USP50: variants seen among roughly 807,000 people sequenced by gnomAD.
USP50 encodes the protein ubiquitin specific peptidase 50.
In USP50, 37 loss-of-function variants were observed where a neutral mutation model predicts 39.2. The observed-to-expected ratio is 0.94, with a 90% CI of 0.73 to 1.24. USP50 has a LOEUF of 1.24. Ranked by LOEUF, USP50 falls within the 50% of genes most tolerant of loss-of-function variation. USP50 has a pLI of 0.00. For synonymous variants in USP50, 139 were observed against 144.5 expected (o/e 0.96, Z 0.27); for missense variants, 374 against 398.2 (o/e 0.94, Z 0.52).
downstream of USP50, chr15:50,497,629 G>C (rs1219584948): frequency 6.5e-6 from 1 of 152,774 alleles, no homozygotes; most frequent in African/African-American, 2.4e-5. Flanking sequence ...GATAAAATAT[G>C]TTAACGATAC....
intron 5 of USP50, chr15:50,532,251 C>T: frequency 2.2e-6 from 1 of 456,158 alleles, no homozygotes; most frequent in Non-Finnish European, 4.4e-6. Context: ...GGGAAAGAAA[C>T]CATTCTGAAA....
downstream of USP50, chr15:50,499,123 A>AG: frequency 1.3e-6 from 2 of 1,536,230 alleles, no homozygotes; most frequent in Non-Finnish European, 8.8e-7. Flanking sequence ...ATCTTTTAAA[A>AG]GGCTCAGCAA....
rs1006339006 is a variant in USP50, at chr15:50,528,201, C to A, written c.936+1596G>T. ...GGATTACAGGCGTGAGCCACTGCAC[C>A]CAGCCTAGGAGTAAGAATTTATAGG... is the stretch of plus-strand genomic sequence containing the variant. On this transcript the variant is annotated intron_variant, in intron 6 of 6. Transcript: ENST00000532404. Among the ~76,000 whole-genome samples, 3 of 152,014 alleles carry A rather than the reference C, an allele frequency of 2.0e-5. No individual in the cohort carries two copies. The East Asian group carries it at 5.8e-4, about 29-fold the overall frequency.
intron 6 of USP50, chr15:50,512,719 G>C (rs554779170): frequency 6.6e-6 from 1 of 151,550 alleles, no homozygotes; most frequent in South Asian, 2.1e-4. Context: ...TTGAAACCAG[G>C]GGGTGGAGGT....
chr15:50,511,103 A>G (rs1044205717), intron 6 of USP50: 1 of 152,168 alleles, frequency 6.6e-6, no homozygotes, highest in Admixed American at 6.6e-5. Context: ...TCTCTGTACA[A>G]TTCTTTCAGA....
At chr15:50,536,975 T>G (rs947733298) in intron 5 of USP50, among the ~76,000 whole-genome samples, 1 of 152,006 alleles carries the variant, frequency 6.6e-6, no homozygotes, top group African/African-American at 2.4e-5. Flanking sequence ...AGGTAAAAGA[T>G]CCAGAGTAGC....
downstream of USP50, chr15:50,500,442 G>A (rs796704002): frequency 4.3e-5 from 10 of 231,564 alleles, no homozygotes; most frequent in African/African-American, 2.0e-4. Flanking sequence ...CATTAGCATT[G>A]CATTATATTC....
intron 2 of USP50, chr15:50,543,999 C>A (rs1027005667): frequency 1.8e-6 from 1 of 567,634 alleles, no homozygotes; most frequent in South Asian, 2.0e-5. Flanking sequence ...CACTACTTCA[C>A]CCCAGCTTGG....
At chr15:50,513,476 G>C (rs1336553931) in intron 6 of USP50, 1 of 147,210 alleles carries the variant, frequency 6.8e-6, no homozygotes, top group African/African-American at 2.5e-5. Context: ...GAGGGAGGTG[G>C]ATCACCTGAG....
intron 6 of USP50, among the ~76,000 whole-genome samples, chr15:50,520,125 G>C (rs2052837019): frequency 6.6e-6 from 1 of 151,982 alleles, no homozygotes; most frequent in Admixed American, 6.6e-5. Flanking sequence ...GGGCAACATA[G>C]TGAGATTCTG....
intron 5 of USP50, among the ~76,000 whole-genome samples, chr15:50,537,374 A>C (rs2052987861): frequency 6.6e-6 from 1 of 152,176 alleles, no homozygotes; most frequent in African/African-American, 2.4e-5. Context: ...GAGAAAATCT[A>C]GATAATCTTG....
intron 5 of USP50, among the ~76,000 whole-genome samples, chr15:50,535,459 T>C (rs566140899): frequency 1.3e-5 from 2 of 152,318 alleles, no homozygotes; most frequent in African/African-American, 4.8e-5. Flanking sequence ...TAAAACACAC[T>C]TTAACAAATT....
Position 50,529,797 on chromosome 15 carries a change from C to T in USP50, c.936G>A (p.Val312=), listed in dbSNP as rs769285611. The T allele has an allele frequency of 6.2e-7, 1 of 1,610,648 alleles. No individual in the cohort carries two copies. Among genetic ancestry groups the T allele is most frequent in the Middle Eastern group, 1.7e-4 (1 of 6,042 alleles). ...KYPKYNLCAV[V]NHFGDLDGGH... The stretch of plus-strand genomic sequence containing the variant: ...CTTTTAACAGTTTGTTTTTACTCAC[C>T]ACCACTGCACAGAGGTTGTATTTAG... The change falls in exon 6 of 7, where the codon GTG becomes GTA. Residue 312 remains valine, a splice_region_variant and synonymous_variant. Coordinates refer to ENST00000532404, the MANE Select transcript of USP50 (RefSeq NM_203494.5).
chr15:50,541,306 A>G, intron 3 of USP50, 42 bp from the exon 4 acceptor site: 1 of 1,555,810 alleles, frequency 6.4e-7, no homozygotes, highest in Non-Finnish European at 8.8e-7. Context: ...ATTATTGGTT[A>G]TTTAAAAAAG....
chr15:50,522,500 C>T (rs1479797229), intron 6 of USP50, among the ~76,000 whole-genome samples: 2 of 152,074 alleles, frequency 1.3e-5, no homozygotes, highest in Non-Finnish European at 2.9e-5. Flanking sequence ...CAAACCCTTC[C>T]AATAAATTGA....
At chr15:50,500,286 G>C (rs564044875), downstream of USP50, 10 of 153,598 alleles carry the variant, frequency 6.5e-5, no homozygotes, top group East Asian at 1.9e-3. Context: ...CGAGCCATTT[G>C]AACAAAAATT....
chr15:50,517,313 A>G (rs1258481314), intron 6 of USP50, among the ~76,000 whole-genome samples: 1 of 152,070 alleles, frequency 6.6e-6, no homozygotes, highest in Admixed American at 6.6e-5. Flanking sequence ...TTTACTAAAA[A>G]TACAAAAAAT....
Position 50,523,175 on chromosome 15 carries a change from C to CTTTTTT in USP50, c.936+6616_936+6621dup, listed in dbSNP as rs57450027. 2.4e-4 allele frequency among the ~76,000 whole-genome samples: 25 copies of CTTTTTT among 104,214 alleles called. 2 individuals are homozygous for CTTTTTT. The highest frequency in any genetic ancestry group is 2.8e-4 in the Non-Finnish European group (15 of 54,068). The allele number at this position is 104,214 out of a possible 152,430, so 68.4% of individuals were successfully genotyped here. A position where few individuals can be genotyped will look rare whatever the true frequency, so the allele number is the denominator to read the frequency against. Reference sequence around the variant, plus strand: ...AAAATCAACATATAAAAATCAGTAGCTTTTTTTTTTTTTTTTTTGGTGAGA... The same window carrying CTTTTTT: ...AAAATCAACATATAAAAATCAGTAGCTTTTTTTTTTTTTTTTTTTTTTTTGGTGAGA... On this transcript the variant is annotated intron_variant, in intron 6 of 6. Coordinates refer to ENST00000532404, the MANE Select transcript of USP50 (RefSeq NM_203494.5).
chr15:50,510,646 G>A (rs1272856940), intron 6 of USP50: 1 of 152,106 alleles, frequency 6.6e-6, no homozygotes, highest in Non-Finnish European at 1.5e-5. Context: ...TCAGCAAAAA[G>A]TTAGATATAC....
Sources: allele counts gnomAD v4.1 joint callset (sites outside exome capture counted in the v4.1 genomes callset), GRCh38; gene constraint gnomAD v4.1.1; transcripts MANE v1.5; gene names NCBI Gene and HGNC (gene_info 2026-07-23, HGNC 2026-07-21).